The following LAMA1 variants were observed in gnomAD, a reference collection of about 807,000 sequenced individuals.
The protein encoded by LAMA1 is laminin subunit alpha-1.
LAMA1 carries 219 observed loss-of-function variants against 348.7 expected under a neutral mutation model. The ratio of observed to expected loss-of-function variants is 0.63; its 90% confidence interval spans 0.56 to 0.70. The LOEUF (loss-of-function observed/expected upper bound fraction) is 0.70. Ranked by LOEUF, LAMA1 falls within the 30% of genes least tolerant of loss-of-function variation. The pLI is 0.00. For missense variants in LAMA1, 3,744 were observed against 3,888.0 expected (o/e 0.96, Z 0.99); for synonymous variants, 1,487 against 1,491.0 (o/e 1.00, Z 0.06).
At chr18:7,015,685 C>A (rs1444683383) in intron 22 of LAMA1, 37 bp downstream of exon 22, 1 of 1,610,570 alleles carries the variant, frequency 6.2e-7, no homozygotes, top group Admixed American at 1.7e-5. Context: ...AGCAAAGCAA[C>A]TCTCAGTTAA....
At chr18:7,098,832 CGGGA>C (rs1163574199) in intron 1 of LAMA1, among the ~76,000 whole-genome samples, 1 of 124,290 alleles carries the variant, frequency 8.0e-6, no homozygotes, top group African/African-American at 3.0e-5. Flanking sequence ...CCGCCCCGTC[CGGGA>C]GGGAGGTGGG....
chr18:6,956,341 A>C, intron 56 of LAMA1: 1 of 525,290 alleles, frequency 1.9e-6, no homozygotes, highest in Admixed American at 2.6e-5. Context: ...TCCTGGCTAA[A>C]TGTAAATTGA....
Position 7,050,867 on chromosome 18 carries a change from G to T in LAMA1, c.415C>A (p.Arg139Ser), listed in dbSNP as rs199854892. 1.9e-6 allele frequency: 3 copies of T among 1,614,150 alleles called. No homozygotes were observed. Among genetic ancestry groups the T allele is most frequent in the Admixed American group, 3.3e-5 (2 of 60,024 alleles). Residue 139 changes from arginine (R) to serine (S), a missense_variant, in exon 4 of 63, where the codon CGT becomes AGT. Transcript: ENST00000389658. ...APRPGNWILE[R>S]SLDGTTFSPW... ...CTGAACGTGGTGCCATCCAGAGAAC[G>T]CTCCAAAATCCAGTTTCCAGGTCGA...
intron 41 of LAMA1, 62 bp downstream of exon 41, chr18:6,982,435 G>A: frequency 2.3e-6 from 3 of 1,323,668 alleles, no homozygotes; most frequent in Non-Finnish European, 3.3e-6. Flanking sequence ...ATTCTTAGAG[G>A]CTGCTCAGCG....
chr18:6,973,504 C>T (rs2057667773), intron 46 of LAMA1, among the ~76,000 whole-genome samples: 1 of 152,010 alleles, frequency 6.6e-6, no homozygotes, highest in South Asian at 2.1e-4. Flanking sequence ...TAAAAAAATC[C>T]CAACAAACCA....
intron 1 of LAMA1, among the ~76,000 whole-genome samples, chr18:7,117,121 C>G (rs2058360239): frequency 1.3e-5 from 2 of 152,312 alleles, no homozygotes; most frequent in East Asian, 1.9e-4. Context: ...CCGCGTCTCT[C>G]CCCACTAGCC....
rs766343719 is a variant in LAMA1 at position 6,985,244 on chromosome 18, G to A, written c.5653C>T (p.Leu1885=). 7 of 1,614,094 alleles carry A rather than the reference G, an allele frequency of 4.3e-6. No individual in the cohort carries two copies. Among genetic ancestry groups the A allele is most frequent in the Non-Finnish European group, 5.9e-6 (7 of 1,179,990 alleles). The change falls in exon 39 of 63, where the codon CTG becomes TTG. Residue 1885 remains leucine (L), a synonymous_variant. Transcript: ENST00000389658. ...ACAAAGGCGTGTTCCTACCTGTACA[G>A]AACATCTGCTAGTCTCTGGAACTCA... ...AAEFQRLADV[L]YSGLENIRNV... is the part of the protein sequence containing the mutation.
chr18:6,966,152 C>G lies in LAMA1; in HGVS notation c.7045G>C (p.Gly2349Arg), dbSNP rs746726879. 6 of 1,613,812 alleles carry G rather than the reference C, an allele frequency of 3.7e-6. No homozygotes were observed. Among genetic ancestry groups the G allele is most frequent in the Non-Finnish European group, 5.1e-6 (6 of 1,179,984 alleles). Residue 2349 changes from glycine to arginine, a missense_variant, in exon 49 of 63, where the codon GGC becomes CGC. By Grantham distance (125) the Gly-to-Arg change is moderately radical. Around this residue, in one of 3 missense-constraint regions of LAMA1, gnomAD observed 1,983 missense variants for 1,934.3 expected, o/e 1.03. Coordinates refer to ENST00000389658, the MANE Select transcript of LAMA1 (RefSeq NM_005559.4). ...NGLLLYLGSY[G>R]TKDFLSIELF... The stretch of plus-strand genomic sequence containing the variant: ...GGCCGCACAAACACTCTTACTGTGC[C>G]GTATGAACCCAGGTAGAGAAGAAGT...
At chr18:7,020,624 C>G (rs538308544) in intron 19 of LAMA1, among the ~76,000 whole-genome samples, 1 of 152,298 alleles carries the variant, frequency 6.6e-6, no homozygotes. Flanking sequence ...AAACCAGAGA[C>G]AGCCTGGTCA....
At chr18:7,051,431 T>A (rs1041324440) in intron 3 of LAMA1, among the ~76,000 whole-genome samples, 7 of 152,208 alleles carry the variant, frequency 4.6e-5, no homozygotes, top group African/African-American at 1.7e-4. Context: ...ATACATTGGT[T>A]GCCAAAATCG....
chr18:6,972,509 G>A (rs1261681493), intron 47 of LAMA1, among the ~76,000 whole-genome samples: 2 of 152,088 alleles, frequency 1.3e-5, no homozygotes, highest in Non-Finnish European at 2.9e-5. Context: ...TCATCACTGG[G>A]AAAGAAACCC....
At chr18:7,074,154 A>G (rs1357689414) in intron 3 of LAMA1, among the ~76,000 whole-genome samples, 2 of 152,140 alleles carry the variant, frequency 1.3e-5, no homozygotes, top group East Asian at 1.9e-4. Context: ...ACTGTTTTTC[A>G]TAACACTGTG....
chr18:7,012,480 T>A (rs945673568), intron 23 of LAMA1, among the ~76,000 whole-genome samples: 1 of 130,548 alleles, frequency 7.7e-6, no homozygotes, highest in African/African-American at 3.4e-5. Flanking sequence ...GTGATAAATA[T>A]TATTATTATT....
chr18:7,051,436 A>G (rs2058062117), intron 3 of LAMA1, among the ~76,000 whole-genome samples: 1 of 152,204 alleles, frequency 6.6e-6, no homozygotes, highest in Non-Finnish European at 1.5e-5. Flanking sequence ...TTGGTTGCCA[A>G]AATCGAAGCT....
chr18:7,116,232 C>T (rs1425699158), intron 1 of LAMA1, among the ~76,000 whole-genome samples: 1 of 152,186 alleles, frequency 6.6e-6, no homozygotes, highest in Non-Finnish European at 1.5e-5. Context: ...CTAAGACTTT[C>T]AATTTCGGGG....
Position 7,097,499 on chromosome 18 carries a change from C to CTTTTTT in LAMA1, c.62-17048_62-17043dup, listed in dbSNP as rs10566387. Among the ~76,000 whole-genome samples, 4 of 109,898 alleles carry CTTTTTT rather than the reference C, an allele frequency of 3.6e-5. 2 individuals are homozygous for CTTTTTT. The highest frequency in any genetic ancestry group is 6.4e-5 in the African/African-American group (2 of 31,388). 72.1% of individuals were successfully genotyped at this position (109,898 alleles called of 152,430 possible). On this transcript the variant is annotated intron_variant, in intron 1 of 62. Coordinates refer to ENST00000389658, the MANE Select transcript of LAMA1 (RefSeq NM_005559.4). ...CAATTGCTATCAAAATCTCAGCTGG[C>CTTTTTT]TTTTTTTTTTTTTTTTTTTGTAGAA...
intron 41 of LAMA1, among the ~76,000 whole-genome samples, chr18:6,981,476 T>C (rs983926997): frequency 1.1e-4 from 16 of 152,210 alleles, no homozygotes; most frequent in Non-Finnish European, 8.8e-5. Flanking sequence ...CTTTTACTTT[T>C]AAAATTTCTG....
At chr18:7,015,920 G>T in intron 21 of LAMA1, 62 bp from the exon 22 acceptor site, 1 of 1,589,444 alleles carries the variant, frequency 6.3e-7, no homozygotes, top group Non-Finnish European at 8.6e-7. Context: ...GCTAAGAGCT[G>T]ATGCTGTTAT....
chr18:6,979,896 C>G (rs768937946), intron 42 of LAMA1, among the ~76,000 whole-genome samples: 3 of 152,288 alleles, frequency 2.0e-5, no homozygotes, highest in Admixed American at 6.5e-5. Flanking sequence ...GAGACTCTGT[C>G]TCAAAAAATG....
Sources: gnomAD v4.1 joint callset for allele counts (sites outside exome capture counted in the v4.1 genomes callset) on GRCh38, gnomAD v4.1.1 for gene constraint, gnomAD v4.1.1 regional missense constraint, MANE v1.5 for transcripts, NCBI Gene and HGNC (gene_info 2026-07-23, HGNC 2026-07-21) for gene names.